The following MAP3K13 variants were observed in gnomAD, a reference collection of about 807,000 sequenced individuals.
MAP3K13 encodes mitogen-activated protein kinase kinase kinase 13, also known as leucine zipper-bearing kinase.
A neutral mutation model predicts 104.0 loss-of-function variants in MAP3K13; 52 were observed. The ratio of observed to expected loss-of-function variants is 0.50; its 90% CI spans 0.40 to 0.63. MAP3K13 has a LOEUF of 0.63. Among genes scored for constraint, MAP3K13 ranks in the 20% least tolerant of loss-of-function variants. The pLI is 0.00. For synonymous variants in MAP3K13, 394 were observed against 442.2 expected (o/e 0.89, Z 1.37); for missense variants, 914 against 1,218.5 (o/e 0.75, Z 3.72).
rs2108689778 is a variant in MAP3K13 at position 185,315,942 on chromosome 3, A to T, written c.-86+30299A>T. ...TTTATGAGTCATTAAGGTATAGAAG[A>T]TCAATTAGAGAAAGCCCTGAACAGA... On this transcript the variant is annotated intron_variant, in intron 2 of 14. Transcript: ENST00000424227. The surrounding 1 kb of genome is among the most constrained non-coding windows in gnomAD (Gnocchi z 4.3). Among the ~76,000 whole-genome samples, 1 of 152,296 alleles carries T rather than the reference A, an allele frequency of 6.6e-6. No individual in the cohort carries two copies. Among genetic ancestry groups the T allele is most frequent in the East Asian group, 1.9e-4 (1 of 5,188 alleles).
At position 185,346,738 on chromosome 3, in the gene MAP3K13, C is replaced by G. The variant is rs181431128; in HGVS notation, c.-86+61095C>G. On this transcript the variant is annotated intron_variant, in intron 2 of 14. Coordinates refer to the MAP3K13 transcript ENST00000424227. ...TACTGATACCTATTGCCAAATTGTA[C>G]TTCAAAAAAGATGCAGCAATTATTT... Among the ~76,000 whole-genome samples the G allele has an allele frequency of 2.2e-4, 34 of 152,186 alleles. No individual in the cohort carries two copies. The East Asian group carries it at 6.6e-3, about 29-fold the overall frequency.
intron 2 of MAP3K13, among the ~76,000 whole-genome samples, chr3:185,325,434 G>T (rs1371243193): frequency 6.6e-6 from 1 of 152,120 alleles, no homozygotes; most frequent in African/African-American, 2.4e-5. Context: ...ATTTGACATG[G>T]GTTCTTTCTG....
rs185216383 is a variant in MAP3K13 at position 185,397,705 on chromosome 3, A to G, written c.-85-30792A>G. Among the ~76,000 whole-genome samples, 158 of 152,056 alleles carry G rather than the reference A, an allele frequency of 1.0e-3. No homozygotes were observed. In the Middle Eastern group the frequency reaches 0.037, roughly 36 times the overall value. On this transcript the variant is annotated intron_variant, in intron 1 of 13. Transcript: ENST00000265026. ...TTTTTACAGGGGGGAGAAAGAAGTA[A>G]TCAGTCTGACCCTTATAATATATCT...
chr3:185,482,556 A>T lies in MAP3K13; in HGVS notation c.*100A>T. 1.2e-6 allele frequency: 1 copy of T among 852,316 alleles called. No homozygotes were observed. Among genetic ancestry groups the T allele is most frequent in the Non-Finnish European group, 1.9e-6 (1 of 519,586 alleles). The allele number at this position is 852,316 out of a possible 1,614,324, so 52.8% of individuals were successfully genotyped here. A position where few individuals can be genotyped will look rare whatever the true frequency, so the allele number is the denominator to read the frequency against. On this transcript the variant is annotated 3_prime_UTR_variant, in exon 14 of 14. Transcript: ENST00000265026. This position sits in a 1 kb window ranked among gnomAD's most constrained non-coding sequence, Gnocchi z 4.5. Reference sequence around the variant, plus strand: ...ACTCTCTCCCAGCATTTTGTCTGGGAAGAGAGACTACCCCATCTTTACCAC... The same window carrying T: ...ACTCTCTCCCAGCATTTTGTCTGGGTAGAGAGACTACCCCATCTTTACCAC...
intron 1 of MAP3K13, among the ~76,000 whole-genome samples, chr3:185,410,522 T>A (rs1033496947): frequency 2.6e-5 from 4 of 152,148 alleles, no homozygotes; most frequent in African/African-American, 9.7e-5. Flanking sequence ...CAAAAAAAGA[T>A]AAATGTTCAA....
chr3:185,365,726 GA>G (rs561501233), intron 1 of MAP3K13, among the ~76,000 whole-genome samples: 13 of 152,098 alleles, frequency 8.5e-5, no homozygotes, highest in Non-Finnish European at 1.8e-4. Flanking sequence ...ATATGGGGGA[GA>G]AAAAAATTTA....
intron 1 of MAP3K13, among the ~76,000 whole-genome samples, chr3:185,412,568 A>C (rs1223652181): frequency 1.3e-5 from 2 of 152,220 alleles, no homozygotes; most frequent in Non-Finnish European, 2.9e-5. Context: ...TCAAATTTCT[A>C]TTGTTGGTAA....
At chr3:185,318,679 A>G (rs1337760803) in intron 2 of MAP3K13, among the ~76,000 whole-genome samples, 1 of 152,204 alleles carries the variant, frequency 6.6e-6, no homozygotes, top group Non-Finnish European at 1.5e-5. Context: ...AAGTTTCTAT[A>G]TAATTTATGC....
Position 185,483,711 on chromosome 3 carries a change from CT to C in MAP3K13, c.*1275del, listed in dbSNP as rs1176770147. ...AATAACTCATTCTATCTTAGAAGTT[CT>C]TTTTTTTTTTTTTTTTTTTGACAGA... On this transcript the variant is annotated 3_prime_UTR_variant, in exon 14 of 14. Coordinates refer to ENST00000265026, the MANE Select transcript of MAP3K13 (RefSeq NM_004721.5). 1.1e-4 allele frequency: 6 copies of C among 54,854 alleles called. No homozygotes were observed. The highest frequency in any genetic ancestry group is 4.0e-4 in the African/African-American group (6 of 14,990). 3.4% of individuals were successfully genotyped at this position (54,854 alleles called of 1,614,324 possible). A position where few individuals can be genotyped will look rare whatever the true frequency, so the allele number is the denominator to read the frequency against.
In MAP3K13 at chr3:185,454,848, GATATATACATGATATATATATGAGAT is replaced by G. The variant is rs1560117655; in HGVS notation, c.1278+3461_1278+3486del. Among the ~76,000 whole-genome samples, 107 of 52,598 alleles carry G rather than the reference GATATATACATGATATATATATGAGAT, an allele frequency of 2.0e-3. 5 individuals carry two copies. Among genetic ancestry groups the G allele is most frequent in the South Asian group, 0.019 (32 of 1,698 alleles). 34.5% of individuals were successfully genotyped at this position (52,598 alleles called of 152,430 possible). A position where few individuals can be genotyped will look rare whatever the true frequency, so the allele number is the denominator to read the frequency against. The stretch of plus-strand genomic sequence containing the variant: ...AGATATATACATGATATATATATGA[GATATATACATGATATATATATGAGAT>G]ATATATATGATATATATATGAGATA... On this transcript the variant is annotated intron_variant, in intron 7 of 13. Transcript: ENST00000265026.
At chr3:185,294,105 G>A (rs972482837) in intron 2 of MAP3K13, among the ~76,000 whole-genome samples, 3 of 152,122 alleles carry the variant, frequency 2.0e-5, no homozygotes, top group Non-Finnish European at 4.4e-5. Context: ...TATCGAGAAT[G>A]TAGTTAGCAT....
intron 2 of MAP3K13, among the ~76,000 whole-genome samples, chr3:185,333,412 A>G (rs1374845517): frequency 6.6e-6 from 1 of 152,234 alleles, no homozygotes; most frequent in Non-Finnish European, 1.5e-5. Flanking sequence ...AAAAGAAATT[A>G]AAAGACCTAA....
At position 185,466,854 on chromosome 3, in the gene MAP3K13, C is replaced by A. The variant is rs140444819; in HGVS notation, c.1534C>A (p.Pro512Thr). The A allele has an allele frequency of 2.0e-5, 33 of 1,613,846 alleles. No homozygotes were observed. The highest frequency in any genetic ancestry group is 2.7e-5 in the African/African-American group (2 of 74,908). Residue 512 changes from proline (P) to threonine (T), a missense_variant, in exon 10 of 14, where the codon CCT (proline) becomes ACT (threonine). Physicochemically the swap from Pro to Thr is conservative, Grantham distance 38. Transcript: ENST00000265026. ...KREQAVEKKY[P>T]GTYKRHPVRP... is the part of the protein sequence containing the mutation. ...TGAGCAAGCAGTGGAAAAGAAGTAT[C>A]CTGGGACCTACAAACGACACCCTGT...
intron 2 of MAP3K13, chr3:185,291,614 A>G (rs1720742535): frequency 6.6e-7 from 1 of 1,519,102 alleles, no homozygotes; most frequent in African/African-American, 1.4e-5. Context: ...GTTTTCAAGC[A>G]TCAAGTACCA....
rs969822558 is a variant in MAP3K13 at position 185,482,257 on chromosome 3, C to A, written c.2800-98C>A. 5.9e-6 allele frequency: 5 copies of A among 842,428 alleles called. No homozygotes were observed. The highest frequency in any genetic ancestry group is 2.4e-5 in the East Asian group (1 of 41,170). The allele number at this position is 842,428 out of a possible 1,614,324, so 52.2% of individuals were successfully genotyped here. A position where few individuals can be genotyped will look rare whatever the true frequency, so the allele number is the denominator to read the frequency against. On this transcript the variant is annotated intron_variant, in intron 13 of 13. Coordinates refer to ENST00000265026, the MANE Select transcript of MAP3K13 (RefSeq NM_004721.5). This position sits in a 1 kb window ranked among gnomAD's most constrained non-coding sequence, Gnocchi z 4.5. ...ACCTGGTCTCGTTTACCTTTGTAGC[C>A]CCCTTACCAAGCACAGTGCCTGTTG... is the stretch of plus-strand genomic sequence containing the variant.
chr3:185,313,357 C>T (rs1009800375), intron 2 of MAP3K13, among the ~76,000 whole-genome samples: 4 of 149,796 alleles, frequency 2.7e-5, no homozygotes, highest in East Asian at 4.0e-4. Flanking sequence ...GCAACCTTTG[C>T]CTCCTGGGTT....
intron 3 of MAP3K13, among the ~76,000 whole-genome samples, chr3:185,440,289 T>C (rs1295940113): frequency 1.3e-5 from 2 of 152,204 alleles, no homozygotes; most frequent in Non-Finnish European, 2.9e-5. Flanking sequence ...ATGGAATGAT[T>C]GCTCCTCGTT....
chr3:185,289,924 G>A (rs1456933852), intron 2 of MAP3K13, among the ~76,000 whole-genome samples: 1 of 152,104 alleles, frequency 6.6e-6, no homozygotes, highest in African/African-American at 2.4e-5. Flanking sequence ...TGGAAAGAGC[G>A]CAAACTCTAG....
chr3:185,458,291 C>T (rs1463399957), intron 7 of MAP3K13, among the ~76,000 whole-genome samples: 2 of 151,252 alleles, frequency 1.3e-5, no homozygotes, highest in Admixed American at 6.6e-5. Context: ...TCGCTTGAAC[C>T]CAGGAGGCAG....
Sources: allele counts gnomAD v4.1 joint callset (sites outside exome capture counted in the v4.1 genomes callset), GRCh38; gene constraint gnomAD v4.1.1; non-coding constraint Gnocchi (gnomAD v3.1); transcripts MANE v1.5; gene names NCBI Gene and HGNC (gene_info 2026-07-23, HGNC 2026-07-21).